The following ITGA2 variants were observed in gnomAD, a reference collection of about 807,000 sequenced individuals.
ITGA2 encodes the protein integrin alpha-2.
A neutral mutation model predicts 146.3 loss-of-function variants in ITGA2; 101 were observed. The ratio of observed to expected loss-of-function variants is 0.69; its 90% confidence interval spans 0.59 to 0.81. The LOEUF (loss-of-function observed/expected upper bound fraction) is 0.81. Ranked by LOEUF, ITGA2 falls within the 40% of genes least tolerant of loss-of-function variation. The pLI is 0.00. For missense variants in ITGA2, 1,281 were observed against 1,402.7 expected, an observed-to-expected ratio of 0.91 and a Z score of 1.39; for synonymous variants, 477 against 487.1, an observed-to-expected ratio of 0.98 and a Z score of 0.27.
At chr5:53,058,761 C>A (rs529385455) in intron 10 of ITGA2, among the ~76,000 whole-genome samples, 12 of 151,908 alleles carry the variant, frequency 7.9e-5, no homozygotes, top group African/African-American at 2.9e-4. Flanking sequence ...GTCAGAGGAC[C>A]AAGAACAGCT....
rs778609092 is a variant in ITGA2 at position 53,045,001 on chromosome 5, C to T, written c.296C>T (p.Thr99Ile). The T allele has an allele frequency of 6.2e-7, 1 of 1,611,394 alleles. No homozygotes were observed. Among genetic ancestry groups the T allele is most frequent in the Non-Finnish European group, 8.5e-7 (1 of 1,177,598 alleles). ...TTAAAAATTGTTTTCCCTTTGAAAG[C>T]TTCAACAAGCATTCCAAATGTTACT... is the stretch of plus-strand genomic sequence containing the variant. ...TATCEKLNLQ[T>I]STSIPNVTEM... The change falls in exon 4 of 30, where the codon ACT (threonine) becomes ATT (isoleucine). Residue 99 changes from threonine (T) to isoleucine (I), a missense_variant and splice_region_variant. Thr to Ile is a moderately conservative substitution (Grantham distance 89). Transcript: ENST00000296585.
At chr5:52,996,266 G>A (rs1173953798) in intron 1 of ITGA2, among the ~76,000 whole-genome samples, 2 of 152,124 alleles carry the variant, frequency 1.3e-5, no homozygotes, top group African/African-American at 4.8e-5. Context: ...CACTTGTAAT[G>A]TTTTAAAATT....
At chr5:53,050,969 C>T (rs1744331862) in intron 6 of ITGA2, among the ~76,000 whole-genome samples, 1 of 152,178 alleles carries the variant, frequency 6.6e-6, no homozygotes, top group Non-Finnish European at 1.5e-5. Context: ...TTATTTATTA[C>T]ACAGTTACCA....
chr5:53,000,329 TTAA>T (rs1216499082), intron 1 of ITGA2, among the ~76,000 whole-genome samples: 1 of 152,184 alleles, frequency 6.6e-6, no homozygotes, highest in African/African-American at 2.4e-5. Flanking sequence ...TTCTTCTTTA[TTAA>T]TGTGGAAAAT....
intron 6 of ITGA2, among the ~76,000 whole-genome samples, chr5:53,049,312 A>G (rs1396591532): frequency 6.6e-6 from 1 of 152,110 alleles, no homozygotes; most frequent in Non-Finnish European, 1.5e-5. Flanking sequence ...ATGCCCGGCC[A>G]GGATATAACA....
At chr5:52,998,507 C>G (rs1441466792) in intron 1 of ITGA2, among the ~76,000 whole-genome samples, 1 of 151,976 alleles carries the variant, frequency 6.6e-6, no homozygotes, top group Non-Finnish European at 1.5e-5. Flanking sequence ...CCCATGAGCT[C>G]CTGCCTTTTT....
chr5:53,031,216 A>G (rs1743205959), intron 2 of ITGA2, among the ~76,000 whole-genome samples: 1 of 152,260 alleles, frequency 6.6e-6, no homozygotes. Flanking sequence ...TAATCAAGTT[A>G]GTTTTGGACA....
At chr5:52,999,689 G>A (rs535515274) in intron 1 of ITGA2, among the ~76,000 whole-genome samples, 1 of 152,226 alleles carries the variant, frequency 6.6e-6, no homozygotes, top group East Asian at 1.9e-4. Flanking sequence ...CCTGTTCTTT[G>A]TCCCACAGGG....
chr5:53,059,931 A>G lies in ITGA2; in HGVS notation c.1231A>G (p.Lys411Glu). 6.2e-7 allele frequency: 1 copy of G among 1,612,326 alleles called. No individual in the cohort carries two copies. Among genetic ancestry groups the G allele is most frequent in the Non-Finnish European group, 8.5e-7 (1 of 1,178,940 alleles). Reference protein sequence around the residue: ...AFGWSGTIVQKTSHGHLIFPK... With the variant: ...AFGWSGTIVQETSHGHLIFPK... ...TGGCTGGAGTGGGACCATTGTCCAGAAGACATCTCATGGCCATTTGATCTT... is the reference window on the plus strand; with the variant it reads ...TGGCTGGAGTGGGACCATTGTCCAGGAGACATCTCATGGCCATTTGATCTT... Residue 411 changes from lysine (K) to glutamate (E), a missense_variant, in exon 11 of 30, where the codon AAG becomes GAG. Lys to Glu is a moderately conservative substitution (Grantham distance 56). Around this residue, in one of 3 missense-constraint regions of ITGA2, gnomAD observed 795 missense variants for 841.7 expected, o/e 0.94. Transcript: ENST00000296585.
At chr5:53,041,540 T>C (rs139474159) in intron 2 of ITGA2, among the ~76,000 whole-genome samples, 347 of 152,258 alleles carry the variant, frequency 2.3e-3, no homozygotes, top group Non-Finnish European at 3.5e-3. Context: ...TTGTTGTTCT[T>C]GGTTTAAATT....
chr5:53,086,618 T>C (rs1403836638), intron 27 of ITGA2, among the ~76,000 whole-genome samples: 1 of 152,208 alleles, frequency 6.6e-6, no homozygotes, highest in Non-Finnish European at 1.5e-5. Flanking sequence ...GTTAGAAATA[T>C]TCATTTTTAA....
In ITGA2 at chr5:53,055,617, C is replaced by T; in HGVS notation, c.859C>T (p.His287Tyr). The T allele has an allele frequency of 6.2e-7, 1 of 1,613,134 alleles. No homozygotes were observed. The highest frequency in any genetic ancestry group is 8.5e-7 in the Non-Finnish European group (1 of 1,179,296). The part of the protein sequence containing the change: ...VMVVVTDGES[H>Y]DGSMLKAVID... ...GGTAGTTGTAACTGACGGTGAATCA[C>T]ATGATGGTTCAATGTTGAAAGCTGT... The change falls in exon 8 of 30, where the codon CAT (histidine) becomes TAT (tyrosine). Residue 287 changes from histidine to tyrosine, a missense_variant. Transcript: ENST00000296585.
At position 53,081,347 on chromosome 5, in the gene ITGA2, A is replaced by G. The variant is rs116388024; in HGVS notation, c.3040-245A>G. On this transcript the variant is annotated intron_variant, in intron 25 of 29. Coordinates refer to ENST00000296585, the MANE Select transcript of ITGA2 (RefSeq NM_002203.4). ...ATTATTCACAGTGTTTAGCTATTGC[A>G]GATTTGCCTCATCATATGTGGGCTA... Among the ~76,000 whole-genome samples the G allele has an allele frequency of 9.1e-3, 1,388 of 152,318 alleles. 9 individuals are homozygous for G. The highest frequency in any genetic ancestry group is 0.014 in the Non-Finnish European group (954 of 68,028).
Position 53,090,598 on chromosome 5 carries a change from G to C in ITGA2, c.3545G>C (p.Ter1182SerextTer21). The change falls in exon 30 of 30, where the codon TGA becomes TCA. Residue 1182 changes from the stop codon to serine, a stop_lost. Coordinates refer to ENST00000296585, the MANE Select transcript of ITGA2 (RefSeq NM_002203.4). Reference sequence around the variant, plus strand: ...GATGAGACCACAGAGCTCAGTAGCTGAACCAGCAGACCTACCTGCAGTGGG... The same window carrying C: ...GATGAGACCACAGAGCTCAGTAGCTCAACCAGCAGACCTACCTGCAGTGGG... ...EIDETTELSS* is the reference protein window; with the variant it reads ...EIDETTELSSS 1 of 1,613,322 alleles carries C rather than the reference G, an allele frequency of 6.2e-7. No homozygotes were observed. Among genetic ancestry groups the C allele is most frequent in the Non-Finnish European group, 8.5e-7 (1 of 1,179,284 alleles).
chr5:53,042,274 A>G, intron 3 of ITGA2, 53 bp downstream of exon 3: 2 of 1,071,682 alleles, frequency 1.9e-6, no homozygotes, highest in African/African-American at 3.1e-5. Flanking sequence ...CTCAACTGAA[A>G]AATAACATCA....
chr5:53,087,990 G>A (rs1298974601), intron 28 of ITGA2, among the ~76,000 whole-genome samples: 2 of 152,142 alleles, frequency 1.3e-5, no homozygotes, highest in African/African-American at 4.8e-5. Flanking sequence ...CTTGTCCAAG[G>A]GAAAATGATT....
chr5:53,026,611 T>A, intron 1 of ITGA2, 137 bp from the exon 2 acceptor site: 1 of 764,470 alleles, frequency 1.3e-6, no homozygotes, highest in Non-Finnish European at 2.2e-6. Context: ...AAGCAGTAGT[T>A]ATTTTTTCTG....
intron 1 of ITGA2, among the ~76,000 whole-genome samples, chr5:53,004,772 G>T (rs1397664351): frequency 6.6e-6 from 1 of 151,832 alleles, no homozygotes; most frequent in East Asian, 1.9e-4. Flanking sequence ...TTGTGCTTTT[G>T]GTTTTTGCTC....
At position 53,073,152 on chromosome 5, in the gene ITGA2, AG is replaced by A; in HGVS notation, c.2466del (p.Arg822SerfsTer2). 1 of 1,612,330 alleles carries A rather than the reference AG, an allele frequency of 6.2e-7. No individual in the cohort carries two copies. The highest frequency in any genetic ancestry group is 8.5e-7 in the Non-Finnish European group (1 of 1,178,864). On this transcript the variant is annotated frameshift_variant, in exon 20 of 30. Transcript: ENST00000296585. LOFTEE classifies it high-confidence loss of function. Reference protein sequence around the residue: ...QPFIVSNQNKRLTFSVTLKNK... With the variant: ...QPFIVSNQNKXLTFSVTLKNK... ...CTTTATTGTCAGCAACCAAAACAAA[AG>A]GTTAACATTTTCAGTAACGCTGAAA...
Sources: allele counts gnomAD v4.1 joint callset (sites outside exome capture counted in the v4.1 genomes callset), GRCh38; gene constraint gnomAD v4.1.1; regional missense constraint gnomAD v4.1.1; transcripts MANE v1.5; gene names NCBI Gene and HGNC (gene_info 2026-07-23, HGNC 2026-07-21).